The following BLACAT1 variants were observed in gnomAD, a reference collection of about 807,000 sequenced individuals.
BLACAT1 encodes bladder cancer associated transcript 1.
At chr1:205,438,722 T>A (rs925463944), downstream of BLACAT1, among the ~76,000 whole-genome samples, 1 of 151,962 alleles carries the variant, frequency 6.6e-6, no homozygotes, top group Non-Finnish European at 1.5e-5. Flanking sequence ...AGAGGACAAC[T>A]GGACCTCCAC....
exon 2 of BLACAT1, chr1:205,440,900 C>T (rs938644936): frequency 6.6e-6 from 1 of 152,318 alleles, no homozygotes; most frequent in African/African-American, 2.4e-5. Context: ...CTGCTGGGGG[C>T]TTGATGGAGG....
intron 1 of BLACAT1, among the ~76,000 whole-genome samples, chr1:205,445,652 C>G (rs1187690474): frequency 6.6e-6 from 1 of 152,190 alleles, no homozygotes; most frequent in African/African-American, 2.4e-5. Flanking sequence ...TTCTTGGGAG[C>G]TGGAGAGGTC....
Position 205,455,017 on chromosome 1 carries a change from G to A in BLACAT1, c.-37+900C>T, listed in dbSNP as rs573395607. Among the ~76,000 whole-genome samples, 136 of 152,234 alleles carry A rather than the reference G, an allele frequency of 8.9e-4. 1 individual carries two copies. The highest frequency in any genetic ancestry group is 2.7e-3 in the African/African-American group (111 of 41,546). ...AGGGCTCTCCCTTGGGCCCCCAGACGCCCTCTCCTGACCAGCTCAGCACTG... is the reference window on the plus strand; with the variant it reads ...AGGGCTCTCCCTTGGGCCCCCAGACACCCTCTCCTGACCAGCTCAGCACTG... On this transcript the variant is annotated intron_variant, in intron 1 of 1. Coordinates refer to ENST00000629624, the Ensembl canonical transcript of BLACAT1.
chr1:205,438,606 G>C (rs912096979), downstream of BLACAT1, among the ~76,000 whole-genome samples: 5 of 152,328 alleles, frequency 3.3e-5, no homozygotes, highest in East Asian at 9.6e-4. Context: ...ATGTGGGGTT[G>C]GGGTGTGCCT....
rs1175713525 is a variant in BLACAT1, at chr1:205,448,072, TTCCTTCCTCAGAGGGAATCTCCC to T, written c.-36-7033_-36-7011del. Among the ~76,000 whole-genome samples the T allele has an allele frequency of 6.6e-6, 1 of 152,168 alleles. No homozygotes were observed. Among genetic ancestry groups the T allele is most frequent in the East Asian group, 1.9e-4 (1 of 5,170 alleles). ...AGCTCAGCACACCCTGAAGGTCTCC[TTCCTTCCTCAGAGGGAATCTCCC>T]TCTGGAATCACCGGCCCAGTCTCTT... On this transcript the variant is annotated intron_variant, in intron 1 of 1. Transcript: ENST00000629624. The surrounding 1 kb of genome is among the most constrained non-coding windows in gnomAD (Gnocchi z 4.7).
At chr1:205,451,620 G>A (rs939408694) in intron 1 of BLACAT1, among the ~76,000 whole-genome samples, 2 of 152,190 alleles carry the variant, frequency 1.3e-5, no homozygotes, top group Non-Finnish European at 2.9e-5. Context: ...GAGTGAGGGG[G>A]AGATGGAACT....
At position 205,450,382 on chromosome 1, in the gene BLACAT1, T is replaced by A. The variant is rs1161803868; in HGVS notation, c.-37+5535A>T. Among the ~76,000 whole-genome samples, 1 of 141,414 alleles carries A rather than the reference T, an allele frequency of 7.1e-6. No homozygotes were observed. The highest frequency in any genetic ancestry group is 7.1e-5 in the Admixed American group (1 of 14,030). 92.8% of individuals were successfully genotyped at this position (141,414 alleles called of 152,430 possible). ...CCTTCCCCTGCCGCTCCCCTCCAGCTTTTTTATAGTTTAATTTTTGGCAGG... is the reference window on the plus strand; with the variant it reads ...CCTTCCCCTGCCGCTCCCCTCCAGCATTTTTATAGTTTAATTTTTGGCAGG... On this transcript the variant is annotated intron_variant, in intron 1 of 1. Coordinates refer to ENST00000629624, the Ensembl canonical transcript of BLACAT1. The surrounding 1 kb of genome is among the most constrained non-coding windows in gnomAD (Gnocchi z 4.4).
intron 1 of BLACAT1, among the ~76,000 whole-genome samples, chr1:205,452,010 G>A (rs764633748): frequency 2.0e-4 from 30 of 152,104 alleles, no homozygotes; most frequent in African/African-American, 3.9e-4. Flanking sequence ...AGGCAGAACC[G>A]GAGGCAGCAG....
At chr1:205,440,738 T>G (rs6700948) in exon 2 of BLACAT1, 25,023 of 152,588 alleles carry the variant, frequency 0.16, 2,363 homozygotes, top group African/African-American at 0.24. Context: ...CTAATGGGTG[T>G]GGGCATGAGG....
exon 2 of BLACAT1, chr1:205,440,974 A>G (rs1448739664): frequency 6.6e-6 from 1 of 152,306 alleles, no homozygotes; most frequent in Non-Finnish European, 1.5e-5. Context: ...CTTCCTCTTC[A>G]TTTTGCAGAA....
exon 2 of BLACAT1, among the ~76,000 whole-genome samples, chr1:205,440,037 C>T (rs796873969): frequency 3.6e-4 from 54 of 152,086 alleles, no homozygotes; most frequent in African/African-American, 1.2e-3. Flanking sequence ...CTGAAGGCAC[C>T]ACATATGAAC....
At chr1:205,435,820 A>C (rs1558741855), downstream of BLACAT1, 2 of 152,228 alleles carry the variant, frequency 1.3e-5, no homozygotes. Context: ...TGAGCCAGGT[A>C]GAAAACCAAA....
At chr1:205,449,618 C>T (rs571447295) in intron 1 of BLACAT1, among the ~76,000 whole-genome samples, 16 of 124,916 alleles carry the variant, frequency 1.3e-4, no homozygotes, top group Admixed American at 6.3e-4. Flanking sequence ...GCACAGCACG[C>T]CCCTCCACAC....
At chr1:205,452,134 A>C (rs1468606395) in intron 1 of BLACAT1, among the ~76,000 whole-genome samples, 1 of 152,172 alleles carries the variant, frequency 6.6e-6, no homozygotes, top group Non-Finnish European at 1.5e-5. Flanking sequence ...CTGTAGTAAC[A>C]AGTCCCTTAA....
intron 1 of BLACAT1, among the ~76,000 whole-genome samples, chr1:205,455,629 C>A (rs77521227): frequency 0.024 from 3,712 of 152,300 alleles, 77 homozygotes; most frequent in South Asian, 0.041. Flanking sequence ...ACACTCCCCC[C>A]AATCCCACCA....
At chr1:205,437,424 C>T (rs1286962593), downstream of BLACAT1, 1 of 152,312 alleles carries the variant, frequency 6.6e-6, no homozygotes, top group African/African-American at 2.4e-5. Context: ...TCTAGGCCAA[C>T]TGACTTACTC....
At chr1:205,454,299 T>G (rs1170549149) in intron 1 of BLACAT1, among the ~76,000 whole-genome samples, 1 of 152,178 alleles carries the variant, frequency 6.6e-6, no homozygotes, top group Non-Finnish European at 1.5e-5. Flanking sequence ...AGTCTTCATG[T>G]CACCTCTTCC....
chr1:205,444,549 G>A (rs919505116), intron 1 of BLACAT1, among the ~76,000 whole-genome samples: 1 of 151,984 alleles, frequency 6.6e-6, no homozygotes, highest in African/African-American at 2.4e-5. Context: ...TTGCACCTCT[G>A]GCAAAAATGG....
In BLACAT1 at chr1:205,450,233, A is replaced by G. The variant is rs1666475935; in HGVS notation, c.-37+5684T>C. 6.6e-6 allele frequency among the ~76,000 whole-genome samples: 1 copy of G among 151,736 alleles called. No individual in the cohort carries two copies. The highest frequency in any genetic ancestry group is 2.1e-4 in the South Asian group (1 of 4,796). ...GGTCGGTGAAGCACAAACCTCTTGT[A>G]TCTACTGGCTTTTGATCTCACTCCC... On this transcript the variant is annotated intron_variant, in intron 1 of 1. Coordinates refer to ENST00000629624, the Ensembl canonical transcript of BLACAT1. The surrounding 1 kb of genome is among the most constrained non-coding windows in gnomAD (Gnocchi z 4.4).
Sources: gnomAD v4.1 joint callset for allele counts (sites outside exome capture counted in the v4.1 genomes callset) on GRCh38, gnomAD v4.1.1 for gene constraint, Gnocchi (gnomAD v3.1) non-coding constraint, MANE v1.5 for transcripts, NCBI Gene and HGNC (gene_info 2026-07-23, HGNC 2026-07-21) for gene names.